CCDC85A: variants seen among roughly 807,000 people sequenced by gnomAD.
The protein encoded by CCDC85A is coiled-coil domain-containing protein 85A.
A neutral mutation model predicts 50.2 loss-of-function variants in CCDC85A; 38 were observed. That is an observed-to-expected ratio of 0.76 (90% CI 0.58 to 0.99). The LOEUF (loss-of-function observed/expected upper bound fraction) is 0.99. CCDC85A is among the 50% of genes least tolerant of loss of function. The pLI is 0.00. For synonymous variants in CCDC85A, 366 were observed against 301.4 expected (o/e 1.21, Z -2.22); for missense variants, 820 against 742.0 (o/e 1.11, Z -1.22).
intron 3 of CCDC85A, among the ~76,000 whole-genome samples, chr2:56,346,042 T>G (rs1162236264): frequency 1.3e-5 from 2 of 152,196 alleles, no homozygotes; most frequent in Non-Finnish European, 2.9e-5. Flanking sequence ...ATCCCAAGTA[T>G]GTAAAACACC....
intron 2 of CCDC85A, among the ~76,000 whole-genome samples, chr2:56,256,207 G>C (rs913644992): frequency 6.6e-6 from 1 of 152,196 alleles, no homozygotes; most frequent in Non-Finnish European, 1.5e-5. Context: ...AAAAACAATA[G>C]TAAATGTTGC....
At chr2:56,196,825 A>G (rs184071008) in intron 2 of CCDC85A, among the ~76,000 whole-genome samples, 242 of 151,884 alleles carry the variant, frequency 1.6e-3, no homozygotes, top group Middle Eastern at 0.01. Context: ...CTGGCAAATG[A>G]GAAGGAATAA....
chr2:56,230,758 T>C (rs1668739402), intron 2 of CCDC85A, among the ~76,000 whole-genome samples: 1 of 152,248 alleles, frequency 6.6e-6, no homozygotes, highest in Admixed American at 6.5e-5. Flanking sequence ...TAACTTTGAC[T>C]TGTTTATCAT....
chr2:56,237,556 A>T (rs2103955752), intron 2 of CCDC85A, among the ~76,000 whole-genome samples: 1 of 152,312 alleles, frequency 6.6e-6, no homozygotes, highest in African/African-American at 2.4e-5. Context: ...TAAACCCCAT[A>T]ACAACCCGTT....
At chr2:56,342,781 G>T in intron 2 of CCDC85A, 98 bp from the exon 3 acceptor site, 1 of 667,422 alleles carries the variant, frequency 1.5e-6, no homozygotes, top group Non-Finnish European at 2.5e-6. Context: ...AGACTAAATA[G>T]TCACTGTCTG....
intron 2 of CCDC85A, among the ~76,000 whole-genome samples, chr2:56,325,428 T>C (rs983549226): frequency 6.6e-6 from 1 of 152,098 alleles, no homozygotes; most frequent in Admixed American, 6.6e-5. Flanking sequence ...AATTAGTGCA[T>C]TGAGATATTT....
intron 2 of CCDC85A, among the ~76,000 whole-genome samples, chr2:56,221,905 G>A (rs1668343857): frequency 6.6e-6 from 1 of 152,048 alleles, no homozygotes. Flanking sequence ...GCGTGGCACT[G>A]GTATCTGGCA....
intron 1 of CCDC85A, chr2:56,185,836 T>A (rs1276335928): frequency 6.6e-6 from 1 of 152,554 alleles, no homozygotes; most frequent in East Asian, 1.9e-4. Context: ...CAGCTAGCGC[T>A]GGTGCCTCCT....
intron 2 of CCDC85A, among the ~76,000 whole-genome samples, chr2:56,281,219 A>C (rs1191401956): frequency 6.6e-6 from 1 of 152,186 alleles, no homozygotes; most frequent in Non-Finnish European, 1.5e-5. Context: ...GGATTCTTTC[A>C]CTGAACATAA....
intron 5 of CCDC85A, chr2:56,379,697 A>G (rs1237204796): frequency 1.9e-5 from 11 of 586,148 alleles, no homozygotes; most frequent in Non-Finnish European, 2.4e-5. Flanking sequence ...TTTTATCATA[A>G]CTAACAAGCT....
In CCDC85A at chr2:56,228,620, C is replaced by T. The variant is rs369972067; in HGVS notation, c.1240+35180C>T. ...CGATCTTGGCTCACTGCAAGCTCTG[C>T]CTCCCAGGTTCACATCATTCTCCTG... On this transcript the variant is annotated intron_variant, in intron 2 of 5. Coordinates refer to ENST00000407595, the MANE Select transcript of CCDC85A (RefSeq NM_001080433.2). 3.5e-3 allele frequency among the ~76,000 whole-genome samples: 530 copies of T among 152,164 alleles called. 6 individuals carry two copies. The highest frequency in any genetic ancestry group is 0.012 in the African/African-American group (506 of 41,502).
In CCDC85A at chr2:56,193,357, G is replaced by C; in HGVS notation, c.1157G>C (p.Gly386Ala). ...AGTGGAGGAAGTGGAGGCAGCGGCG[G>C]AGGCAGCAGGGAGGGCACCCTCAGA... The part of the protein sequence containing the change: ...GGSGGSGGSG[G>A]GSREGTLRRQ... Residue 386 changes from glycine to alanine, a missense_variant, in exon 2 of 6, where the codon GGA (glycine) becomes GCA (alanine). Transcript: ENST00000407595. The C allele has an allele frequency of 6.2e-7, 1 of 1,611,462 alleles. No individual in the cohort carries two copies. Among genetic ancestry groups the C allele is most frequent in the Non-Finnish European group, 8.5e-7 (1 of 1,178,730 alleles).
At chr2:56,382,166 A>G (rs1176519639) in intron 5 of CCDC85A, among the ~76,000 whole-genome samples, 5 of 152,082 alleles carry the variant, frequency 3.3e-5, no homozygotes, top group African/African-American at 1.2e-4. Context: ...AATAGGGAAA[A>G]ATGCAGATTG....
intron 3 of CCDC85A, among the ~76,000 whole-genome samples, chr2:56,366,564 A>T (rs1300013465): frequency 6.6e-6 from 1 of 152,144 alleles, no homozygotes; most frequent in East Asian, 1.9e-4. Flanking sequence ...AGAAATGTCT[A>T]TTCAGGTCCT....
At chr2:56,241,728 G>A (rs1669267120) in intron 2 of CCDC85A, among the ~76,000 whole-genome samples, 1 of 152,120 alleles carries the variant, frequency 6.6e-6, no homozygotes, top group African/African-American at 2.4e-5. Context: ...CCATTTATCT[G>A]TTGGTGGACA....
intron 2 of CCDC85A, among the ~76,000 whole-genome samples, chr2:56,283,824 C>A (rs1283562251): frequency 6.6e-6 from 1 of 152,082 alleles, no homozygotes. Flanking sequence ...TTCCAATGAA[C>A]AAACTTTAGC....
chr2:56,244,677 A>C (rs2103974485), intron 2 of CCDC85A, among the ~76,000 whole-genome samples: 1 of 151,596 alleles, frequency 6.6e-6, no homozygotes, highest in East Asian at 2.0e-4. Flanking sequence ...ATGCTGGGTC[A>C]CATTGGAAGC....
intron 2 of CCDC85A, among the ~76,000 whole-genome samples, chr2:56,249,767 T>C (rs1669673550): frequency 6.6e-6 from 1 of 152,228 alleles, no homozygotes; most frequent in African/African-American, 2.4e-5. Flanking sequence ...ATTCTTGACC[T>C]TGAGTGGTCC....
intron 2 of CCDC85A, among the ~76,000 whole-genome samples, chr2:56,246,980 G>C (rs1326461001): frequency 6.6e-6 from 1 of 152,096 alleles, no homozygotes; most frequent in African/African-American, 2.4e-5. Context: ...AAGGAGTTGT[G>C]ATTATTATAA....
Sources: allele counts gnomAD v4.1 joint callset (sites outside exome capture counted in the v4.1 genomes callset), GRCh38; gene constraint gnomAD v4.1.1; transcripts MANE v1.5; gene names NCBI Gene and HGNC (gene_info 2026-07-23, HGNC 2026-07-21).